Variants in BTAF1 observed in about 807,000 individuals in gnomAD.
The protein encoded by BTAF1 is B-TFIID TATA-box binding protein associated factor 1.
A neutral mutation model predicts 227.1 loss-of-function variants in BTAF1; 38 were observed. The observed-to-expected ratio is 0.17, with a 90% CI of 0.13 to 0.22. The LOEUF is 0.22. Ranked by LOEUF, BTAF1 falls within the 10% of genes least tolerant of loss-of-function variation. The pLI is 1.00. For synonymous variants in BTAF1, 742 were observed against 751.9 expected (o/e 0.99, Z 0.21); for missense variants, 1,598 against 2,204.0 (o/e 0.73, Z 5.51).
chr10:92,016,374 C>G lies in BTAF1; in HGVS notation c.4619C>G (p.Ala1540Gly). The change falls in exon 33 of 38, where the codon GCC (alanine) becomes GGC (glycine). Residue 1540 changes from alanine to glycine, a missense_variant. Transcript: ENST00000265990. ...QLYEDFAKSR[A>G]KCDVDETVSS... is the part of the protein sequence containing the mutation. Reference sequence around the variant, plus strand: ...TATGAAGATTTTGCTAAGTCTCGTGCCAAGTGTGATGTTGATGAAACAGTT... The same window carrying G: ...TATGAAGATTTTGCTAAGTCTCGTGGCAAGTGTGATGTTGATGAAACAGTT... The G allele has an allele frequency of 6.3e-7, 1 of 1,599,288 alleles. No individual in the cohort carries two copies. Among genetic ancestry groups the G allele is most frequent in the Non-Finnish European group, 8.5e-7 (1 of 1,173,964 alleles).
chr10:91,982,561 A>G lies in BTAF1; in HGVS notation c.2049-26A>G, dbSNP rs769494669. The G allele has an allele frequency of 3.8e-6, 6 of 1,570,706 alleles. No individual in the cohort carries two copies. The East Asian group carries it at 1.1e-4, about 30-fold the overall frequency. ...AACTTTACTTCAAGTAATTTCTTAT[A>G]GTAACTTCCTTTTTCTCCCTCTTAG... On this transcript the variant is annotated intron_variant, in intron 17 of 37. Coordinates refer to ENST00000265990, the MANE Select transcript of BTAF1 (RefSeq NM_003972.3).
intron 28 of BTAF1, 59 bp downstream of exon 28, chr10:92,009,267 A>G: frequency 2.6e-6 from 4 of 1,534,248 alleles, no homozygotes; most frequent in Non-Finnish European, 3.6e-6. Flanking sequence ...AAGATAAGGA[A>G]CAGTAACATT....
chr10:91,958,575 G>A (rs969549393), intron 8 of BTAF1, among the ~76,000 whole-genome samples: 15 of 152,024 alleles, frequency 9.9e-5, no homozygotes, highest in Non-Finnish European at 2.9e-5. Flanking sequence ...GGTGGCGGGC[G>A]CCTGAAATCC....
At position 91,923,882 on chromosome 10, in the gene BTAF1, C is replaced by G; in HGVS notation, c.-195C>G. On this transcript the variant is annotated 5_prime_UTR_variant, in exon 1 of 38. Transcript: ENST00000265990. ...CGCTACCGTCTTGGACCCCTGCTTA[C>G]CGGCCGCCGCGGGGACGAGCTCGGG... 1 of 571,852 alleles carries G rather than the reference C, an allele frequency of 1.7e-6. No individual in the cohort carries two copies. The highest frequency in any genetic ancestry group is 2.8e-6 in the Non-Finnish European group (1 of 354,500). The allele number at this position is 571,852 out of a possible 1,614,324, so 35.4% of individuals were successfully genotyped here. A position where few individuals can be genotyped will look rare whatever the true frequency, so the allele number is the denominator to read the frequency against.
At chr10:91,994,449 C>A (rs1435378990) in intron 22 of BTAF1, 86 bp from the exon 23 acceptor site, 1 of 914,826 alleles carries the variant, frequency 1.1e-6, no homozygotes, top group Non-Finnish European at 1.7e-6. Flanking sequence ...CTCTCCTATG[C>A]TAGCTGAAAA....
Position 91,937,593 on chromosome 10 carries a change from TG to T in BTAF1, c.138+1814del, listed in dbSNP as rs558704748. ...GATCGATTTCTTTTGCTCAAAATAATGTTTTTATATTGTAGCATGTATATTC... is the reference window on the plus strand; with the variant it reads ...GATCGATTTCTTTTGCTCAAAATAATTTTTTATATTGTAGCATGTATATTC... On this transcript the variant is annotated intron_variant, in intron 2 of 37. Transcript: ENST00000265990. Among the ~76,000 whole-genome samples, 77 of 152,326 alleles carry T rather than the reference TG, an allele frequency of 5.1e-4. 1 individual carries two copies. The highest frequency in any genetic ancestry group is 1.8e-3 in the African/African-American group (75 of 41,576).
intron 14 of BTAF1, among the ~76,000 whole-genome samples, chr10:91,977,471 G>A (rs1488912134): frequency 6.6e-6 from 1 of 152,060 alleles, no homozygotes; most frequent in Non-Finnish European, 1.5e-5. Flanking sequence ...GTACCAGTTT[G>A]TTTATCCATT....
At position 91,951,395 on chromosome 10, in the gene BTAF1, G is replaced by A. The variant is rs1845755751; in HGVS notation, c.401-8G>A. ...TTTGGAGAAAACGTATTTCTTTTCT[G>A]TTGAAAGGTGAAGTGGATCCTAAAG... On this transcript the variant is annotated splice_polypyrimidine_tract_variant and splice_region_variant and intron_variant, in intron 4 of 37. Coordinates refer to ENST00000265990, the MANE Select transcript of BTAF1 (RefSeq NM_003972.3). 6.2e-7 allele frequency: 1 copy of A among 1,604,808 alleles called. No homozygotes were observed. Among genetic ancestry groups the A allele is most frequent in the Non-Finnish European group, 8.5e-7 (1 of 1,177,448 alleles).
intron 23 of BTAF1, among the ~76,000 whole-genome samples, chr10:91,995,440 G>A (rs1056240814): frequency 2.0e-5 from 3 of 152,114 alleles, no homozygotes; most frequent in Admixed American, 1.3e-4. Context: ...ACTTTGGGAG[G>A]CCGAGGTGGG....
chr10:92,008,518 T>TC (rs1024543732), intron 26 of BTAF1, among the ~76,000 whole-genome samples: 15 of 151,508 alleles, frequency 9.9e-5, no homozygotes, highest in Non-Finnish European at 1.5e-5. Flanking sequence ...TAGTTTTTTT[T>TC]TTTTTTTTTG....
At chr10:92,027,066 C>CT in intron 36 of BTAF1, 64 bp from the exon 37 acceptor site, 9 of 1,508,396 alleles carry the variant, frequency 6.0e-6, no homozygotes, top group Non-Finnish European at 8.1e-6. Flanking sequence ...TACAAGCCCT[C>CT]TGACTCGTTG....
At chr10:92,003,201 G>A (rs973458835) in intron 25 of BTAF1, among the ~76,000 whole-genome samples, 3 of 150,812 alleles carry the variant, frequency 2.0e-5, no homozygotes, top group Admixed American at 6.6e-5. Flanking sequence ...GTTTTGAAAC[G>A]TATCAGACCA....
At chr10:91,969,022 G>A (rs1847113867) in intron 14 of BTAF1, among the ~76,000 whole-genome samples, 1 of 149,926 alleles carries the variant, frequency 6.7e-6, no homozygotes. Context: ...CACCATGTCT[G>A]GCTAATTAAA....
chr10:91,950,157 GCGGGA>G (rs386746547), intron 4 of BTAF1, among the ~76,000 whole-genome samples: 14 of 115,804 alleles, frequency 1.2e-4, no homozygotes, highest in African/African-American at 3.2e-4. Flanking sequence ...GTGGGGGGGG[GCGGGA>G]AAGAAGACTA....
intron 1 of BTAF1, among the ~76,000 whole-genome samples, chr10:91,925,027 A>T (rs1843734271): frequency 6.6e-6 from 1 of 152,162 alleles, no homozygotes; most frequent in African/African-American, 2.4e-5. Flanking sequence ...TTAACTGAAC[A>T]CATTCTTTGA....
intron 37 of BTAF1, among the ~76,000 whole-genome samples, chr10:92,027,930 T>C (rs1429058938): frequency 6.6e-6 from 1 of 152,202 alleles, no homozygotes; most frequent in East Asian, 1.9e-4. Flanking sequence ...TGATTAAAAC[T>C]AGCTGTAATA....
At chr10:91,974,177 A>G (rs997860556) in intron 14 of BTAF1, among the ~76,000 whole-genome samples, 2 of 152,222 alleles carry the variant, frequency 1.3e-5, no homozygotes, top group Non-Finnish European at 2.9e-5. Context: ...TTTCAAGGTC[A>G]GACTTGGCTA....
At position 91,964,509 on chromosome 10, in the gene BTAF1, G is replaced by A. The variant is rs74149335; in HGVS notation, c.1529+308G>A. Among the ~76,000 whole-genome samples the A allele has an allele frequency of 0.074, 11,279 of 151,962 alleles. 1,387 individuals are homozygous for A. The highest frequency in any genetic ancestry group is 0.26 in the African/African-American group (10,690 of 41,408). ...GTATTTCCAGTTCTAGTCCTAGAAC[G>A]TAGAATTTTAGCTTTATTTAGTAAC... On this transcript the variant is annotated intron_variant, in intron 13 of 37. Coordinates refer to ENST00000265990, the MANE Select transcript of BTAF1 (RefSeq NM_003972.3).
chr10:91,992,168 A>C lies in BTAF1; in HGVS notation c.2904A>C (p.Arg968Ser). The change falls in exon 21 of 38, where the codon AGA becomes AGC. Residue 968 changes from arginine to serine, a missense_variant. By Grantham distance (110) the Arg-to-Ser change is moderately radical. Transcript: ENST00000265990. The part of the protein sequence containing the change: ...DGMHHTVTKH[R>S]GIITLYRHQK... ...TGCACCATACTGTCACCAAGCACAG[A>C]GGTATAATTACACTCTACAGGCACC... The C allele has an allele frequency of 6.2e-7, 1 of 1,612,724 alleles. No homozygotes were observed. The highest frequency in any genetic ancestry group is 2.2e-5 in the East Asian group (1 of 44,848).
Sources: allele counts gnomAD v4.1 joint callset (sites outside exome capture counted in the v4.1 genomes callset), GRCh38; gene constraint gnomAD v4.1.1; transcripts MANE v1.5; gene names NCBI Gene and HGNC (gene_info 2026-07-23, HGNC 2026-07-21).